ASTN2: variants seen among roughly 807,000 people sequenced by gnomAD.
ASTN2 encodes the protein astrotactin 2, also known as astrotactin-2.
A neutral mutation model predicts 139.8 loss-of-function variants in ASTN2; 54 were observed. The ratio of observed to expected loss-of-function variants is 0.39; its 90% CI spans 0.31 to 0.48. The LOEUF is 0.48. Among genes scored for constraint, ASTN2 ranks in the 20% least tolerant of loss-of-function variants. The probability of loss-of-function intolerance (pLI) is 0.95; values close to 1 mark genes in which losing one functional copy is unlikely to be tolerated. For synonymous variants in ASTN2, 756 were observed against 719.5 expected, an observed-to-expected ratio of 1.05 and a Z score of -0.81; for missense variants, 1,565 against 1,725.1, an observed-to-expected ratio of 0.91 and a Z score of 1.64.
chr9:116,785,652 C>A (rs1830352333), intron 13 of ASTN2, among the ~76,000 whole-genome samples: 1 of 152,178 alleles, frequency 6.6e-6, no homozygotes, highest in African/African-American at 2.4e-5. Flanking sequence ...ACTGCTCAGG[C>A]AAAATTCAGG....
At chr9:116,739,252 G>A (rs1433378922) in intron 13 of ASTN2, among the ~76,000 whole-genome samples, 1 of 152,114 alleles carries the variant, frequency 6.6e-6, no homozygotes, top group Non-Finnish European at 1.5e-5. Flanking sequence ...AAAATCAGAG[G>A]AGATGCCTCC....
intron 2 of ASTN2, among the ~76,000 whole-genome samples, chr9:117,259,907 T>C (rs893386673): frequency 6.6e-6 from 1 of 152,202 alleles, no homozygotes; most frequent in Non-Finnish European, 1.5e-5. Context: ...TGCAAATTAT[T>C]AAAATGATGA....
chr9:117,331,579 C>T (rs954623285), intron 1 of ASTN2, among the ~76,000 whole-genome samples: 69 of 152,290 alleles, frequency 4.5e-4, no homozygotes, highest in African/African-American at 1.1e-3. Context: ...ACATGACTGA[C>T]ATACAGTGCT....
At chr9:116,829,853 CAT>C (rs1246451795) in intron 11 of ASTN2, among the ~76,000 whole-genome samples, 2 of 152,172 alleles carry the variant, frequency 1.3e-5, no homozygotes. Flanking sequence ...AAACTGGACT[CAT>C]ATTTCTCGCC....
intron 3 of ASTN2, among the ~76,000 whole-genome samples, chr9:117,148,206 T>C (rs1322539738): frequency 6.6e-6 from 1 of 152,208 alleles, no homozygotes; most frequent in African/African-American, 2.4e-5. Flanking sequence ...CAGTATCAAC[T>C]CTCCATGTGC....
At chr9:116,950,643 C>G (rs1012096631) in intron 10 of ASTN2, among the ~76,000 whole-genome samples, 4 of 152,136 alleles carry the variant, frequency 2.6e-5, no homozygotes, top group Non-Finnish European at 5.9e-5. Flanking sequence ...TGGCAAGCTT[C>G]CCTTCCACCT....
intron 4 of ASTN2, among the ~76,000 whole-genome samples, chr9:117,113,042 CT>C (rs752032725): frequency 1.4e-4 from 22 of 152,288 alleles, no homozygotes; most frequent in Non-Finnish European, 2.5e-4. Flanking sequence ...TGAGATACAA[CT>C]GCACAACAAT....
At chr9:116,813,405 C>T (rs1230095287) in intron 12 of ASTN2, among the ~76,000 whole-genome samples, 1 of 152,152 alleles carries the variant, frequency 6.6e-6, no homozygotes, top group Non-Finnish European at 1.5e-5. Flanking sequence ...CACAGAGGAT[C>T]CTGAGGCTTG....
At chr9:116,937,646 C>T (rs565590190) in intron 10 of ASTN2, among the ~76,000 whole-genome samples, 35 of 152,002 alleles carry the variant, frequency 2.3e-4, no homozygotes, top group Non-Finnish European at 5.1e-4. Context: ...AACTACATTA[C>T]TTTTGGGGGA....
intron 5 of ASTN2, among the ~76,000 whole-genome samples, chr9:117,077,502 C>T (rs1174917284): frequency 2.0e-5 from 3 of 152,156 alleles, no homozygotes; most frequent in Non-Finnish European, 4.4e-5. Flanking sequence ...AATCCCAGCA[C>T]TTTGGGAGGC....
intron 19 of ASTN2, among the ~76,000 whole-genome samples, chr9:116,604,462 C>G (rs1221054874): frequency 1.3e-5 from 2 of 152,132 alleles, no homozygotes; most frequent in African/African-American, 2.4e-5. Flanking sequence ...CCCCCACCCC[C>G]CAATTCTAGC....
intron 10 of ASTN2, among the ~76,000 whole-genome samples, chr9:116,918,380 A>G (rs1834511645): frequency 6.6e-6 from 1 of 152,086 alleles, no homozygotes; most frequent in Non-Finnish European, 1.5e-5. Flanking sequence ...CCTGTGTCAC[A>G]GTCTTGAGGC....
At chr9:116,709,671 A>G (rs1436428048) in intron 16 of ASTN2, among the ~76,000 whole-genome samples, 1 of 152,190 alleles carries the variant, frequency 6.6e-6, no homozygotes, top group East Asian at 1.9e-4. Context: ...ATATACTTAT[A>G]CTCAAAGTAT....
Position 116,557,211 on chromosome 9 carries a change from G to A in ASTN2, c.3355+61113C>T, listed in dbSNP as rs565062879. ...TGTGCTCCAGCCTGGGCAACAGAGC[G>A]AGACTCTGTCTCAAAAAAAAAAAAA... On this transcript the variant is annotated intron_variant, in intron 19 of 22. Transcript: ENST00000313400. Among the ~76,000 whole-genome samples, 18 of 113,418 alleles carry A rather than the reference G, an allele frequency of 1.6e-4. No homozygotes were observed. In the South Asian group the frequency reaches 3.5e-3, roughly 22 times the overall value. 74.4% of individuals were successfully genotyped at this position (113,418 alleles called of 152,430 possible).
chr9:116,503,072 A>G (rs1049301039), intron 19 of ASTN2, among the ~76,000 whole-genome samples: 1 of 149,534 alleles, frequency 6.7e-6, no homozygotes, highest in African/African-American at 2.5e-5. Context: ...GAAGGAAGGA[A>G]GGAGGGAGGA....
chr9:117,082,262 C>T (rs1828448071), intron 5 of ASTN2, among the ~76,000 whole-genome samples: 1 of 152,160 alleles, frequency 6.6e-6, no homozygotes, highest in South Asian at 2.1e-4. Flanking sequence ...CCTTGCCTGG[C>T]TGTGTGATTC....
chr9:116,673,516 A>G (rs954057821), intron 16 of ASTN2, among the ~76,000 whole-genome samples: 1 of 152,210 alleles, frequency 6.6e-6, no homozygotes, highest in African/African-American at 2.4e-5. Context: ...CCTTATTTGC[A>G]AATGGGGTGA....
chr9:116,543,437 C>CAA (rs889238650), intron 19 of ASTN2, among the ~76,000 whole-genome samples: 107 of 121,944 alleles, frequency 8.8e-4, no homozygotes, highest in African/African-American at 2.9e-3. Flanking sequence ...CACCCTGTCT[C>CAA]AAAAAAAAAA....
rs190900887 is a variant in ASTN2, at chr9:116,975,393, C to A, written c.1752-48G>T. On this transcript the variant is annotated intron_variant, in intron 9 of 22. Coordinates refer to ENST00000313400, the MANE Select transcript of ASTN2 (RefSeq NM_001365068.1). Reference sequence around the variant, plus strand: ...GGGGAACTCCCTGGGAAGCAGAGAGCAAACAGAAAAAAGGGGCCCCTGTTC... The same window carrying A: ...GGGGAACTCCCTGGGAAGCAGAGAGAAAACAGAAAAAAGGGGCCCCTGTTC... The A allele has an allele frequency of 1.5e-4, 226 of 1,521,178 alleles. 2 individuals carry two copies. The East Asian group carries it at 5.1e-3, about 34-fold the overall frequency. 94.2% of individuals were successfully genotyped at this position (1,521,178 alleles called of 1,614,324 possible). A position where few individuals can be genotyped will look rare whatever the true frequency, so the allele number is the denominator to read the frequency against.
Sources: allele counts gnomAD v4.1 joint callset (sites outside exome capture counted in the v4.1 genomes callset), GRCh38; gene constraint gnomAD v4.1.1; transcripts MANE v1.5; gene names NCBI Gene and HGNC (gene_info 2026-07-23, HGNC 2026-07-21).